Variants in LRRC69 observed in about 807,000 individuals in gnomAD.
LRRC69 encodes the protein leucine rich repeat containing 69.
A neutral mutation model predicts 37.8 loss-of-function variants in LRRC69; 42 were observed. The ratio of observed to expected loss-of-function variants is 1.11; its 90% CI spans 0.87 to 1.44. The LOEUF is 1.44. LRRC69 is among the 40% of genes most tolerant of loss of function. The pLI is 0.00. For missense variants in LRRC69, 357 were observed against 401.9 expected (o/e 0.89, Z 0.96); for synonymous variants, 141 against 143.1 (o/e 0.99, Z 0.11).
At chr8:91,168,365 A>G (rs1275440597) in intron 5 of LRRC69, among the ~76,000 whole-genome samples, 1 of 136,534 alleles carries the variant, frequency 7.3e-6, no homozygotes, top group East Asian at 1.9e-4. Flanking sequence ...TGACACCCCC[A>G]TCTCCAGCCC....
intron 1 of LRRC69, among the ~76,000 whole-genome samples, chr8:91,114,999 G>C (rs570739500): frequency 2.0e-5 from 3 of 151,990 alleles, no homozygotes; most frequent in Non-Finnish European, 4.4e-5. Context: ...AAAAATGTCA[G>C]ACTCAGAATC....
At chr8:91,199,110 A>G (rs1809670570) in intron 6 of LRRC69, among the ~76,000 whole-genome samples, 1 of 152,308 alleles carries the variant, frequency 6.6e-6, no homozygotes, top group East Asian at 1.9e-4. Context: ...TGGGTAGTGA[A>G]TCCTTATCCA....
chr8:91,195,984 A>G (rs1469750806), intron 6 of LRRC69, among the ~76,000 whole-genome samples: 6 of 152,170 alleles, frequency 3.9e-5, no homozygotes, highest in African/African-American at 4.8e-5. Flanking sequence ...GGCTGGTACC[A>G]GTTGTTCCTT....
chr8:91,138,350 G>A (rs998419152), intron 5 of LRRC69, among the ~76,000 whole-genome samples: 11 of 151,820 alleles, frequency 7.2e-5, no homozygotes, highest in Admixed American at 6.6e-5. Context: ...GCAAAATAAA[G>A]CTCTGTGTAC....
At chr8:91,156,362 G>T (rs79889142) in intron 5 of LRRC69, among the ~76,000 whole-genome samples, 2,937 of 151,014 alleles carry the variant, frequency 0.019, 80 homozygotes, top group African/African-American at 0.067. Context: ...TTGGCCATTT[G>T]TGTGTCTTCA....
chr8:91,188,827 C>A (rs374367911), intron 5 of LRRC69, among the ~76,000 whole-genome samples: 4 of 150,536 alleles, frequency 2.7e-5, no homozygotes, highest in African/African-American at 7.3e-5. Flanking sequence ...GTATATCTTC[C>A]GTCTTCTGTT....
chr8:91,197,078 C>T (rs983033172), intron 6 of LRRC69, among the ~76,000 whole-genome samples: 5 of 151,870 alleles, frequency 3.3e-5, no homozygotes, highest in Non-Finnish European at 5.9e-5. Flanking sequence ...CCCTCAGCTG[C>T]AGGTCTGTTG....
In LRRC69 at chr8:91,189,518, A is replaced by G. The variant is rs1249716171; in HGVS notation, c.652-4A>G. Reference sequence around the variant, plus strand: ...GCAATAAGGTTTTTATTTTGTTTGAAAAGTTTCAGGATCTGAAGCTGAGGG... The same window carrying G: ...GCAATAAGGTTTTTATTTTGTTTGAGAAGTTTCAGGATCTGAAGCTGAGGG... On this transcript the variant is annotated splice_polypyrimidine_tract_variant and splice_region_variant and intron_variant, in intron 5 of 7. Transcript: ENST00000448384. 1.3e-6 allele frequency: 2 copies of G among 1,541,572 alleles called. No homozygotes were observed. The highest frequency in any genetic ancestry group is 2.4e-5 in the East Asian group (1 of 40,862).
intron 5 of LRRC69, among the ~76,000 whole-genome samples, chr8:91,181,125 G>A (rs6471271): frequency 0.68 from 102,121 of 151,280 alleles, 34,890 homozygotes; most frequent in African/African-American, 0.74. Flanking sequence ...AGGTGCCAAT[G>A]CTGAAAAGAA....
At chr8:91,208,375 A>G (rs1809843455) in intron 7 of LRRC69, among the ~76,000 whole-genome samples, 1 of 152,180 alleles carries the variant, frequency 6.6e-6, no homozygotes, top group Admixed American at 6.5e-5. Flanking sequence ...GTAGGGTGAG[A>G]AGACCAGAAG....
intron 5 of LRRC69, among the ~76,000 whole-genome samples, chr8:91,188,894 C>T (rs1036979584): frequency 2.7e-5 from 4 of 150,810 alleles, no homozygotes; most frequent in African/African-American, 9.8e-5. Context: ...GGCACAATCT[C>T]GGCTCAGTGC....
chr8:91,133,508 G>GTAAA (rs1166384652), intron 4 of LRRC69: 2 of 431,382 alleles, frequency 4.6e-6, no homozygotes, highest in Admixed American at 8.7e-5. Context: ...GCCAGATTTA[G>GTAAA]TAAATACAAA....
At chr8:91,177,992 G>A (rs1473416717) in intron 5 of LRRC69, among the ~76,000 whole-genome samples, 16 of 151,904 alleles carry the variant, frequency 1.1e-4, no homozygotes, top group African/African-American at 3.6e-4. Flanking sequence ...GGGACTACTG[G>A]GGCCCGCCAC....
intron 5 of LRRC69, among the ~76,000 whole-genome samples, chr8:91,174,805 G>A (rs1354035276): frequency 6.6e-6 from 1 of 152,156 alleles, no homozygotes; most frequent in East Asian, 1.9e-4. Context: ...AGTGCTGCAA[G>A]GTTTACAAGT....
intron 5 of LRRC69, among the ~76,000 whole-genome samples, chr8:91,142,527 C>T (rs377509123): frequency 2.6e-5 from 4 of 151,954 alleles, no homozygotes; most frequent in African/African-American, 7.2e-5. Context: ...GTAGTTTGTC[C>T]GCAGCAGTGA....
chr8:91,133,302 G>A lies in LRRC69; in HGVS notation c.576G>A (p.Pro192=), dbSNP rs560597239. ...CCAGAAACAACATTGGAGTTTTGCC[G>A]GAGGTAAGCAAAACATGGAACCACA... is the stretch of plus-strand genomic sequence containing the variant. Residue 192 remains proline, a synonymous_variant, in exon 4 of 8, where the codon CCG becomes CCA. Coordinates refer to ENST00000448384, the Ensembl canonical transcript of LRRC69. 1.0e-4 allele frequency: 152 copies of A among 1,498,770 alleles called. 2 individuals carry two copies. In the East Asian group the frequency reaches 2.5e-3, roughly 25 times the overall value. 92.8% of individuals were successfully genotyped at this position (1,498,770 alleles called of 1,614,324 possible).
intron 7 of LRRC69, among the ~76,000 whole-genome samples, chr8:91,211,177 G>T (rs1467135001): frequency 1.3e-5 from 2 of 151,954 alleles, no homozygotes; most frequent in Non-Finnish European, 2.9e-5. Flanking sequence ...GGGAGTGTCA[G>T]AAAATTATAA....
Position 91,190,803 on chromosome 8 carries a change from C to A in LRRC69, c.753+1180C>A, listed in dbSNP as rs112989743. On this transcript the variant is annotated intron_variant, in intron 6 of 7. Transcript: ENST00000448384. ...GGCACAGTGTCTCATGCCTGAGGCC[C>A]CAGCAATTTGAGAGGTCATGGCAGG... Among the ~76,000 whole-genome samples, 1,072 of 152,196 alleles carry A rather than the reference C, an allele frequency of 7.0e-3. 8 individuals carry two copies. Among genetic ancestry groups the A allele is most frequent in the Non-Finnish European group, 0.011 (766 of 68,002 alleles).
intron 1 of LRRC69, among the ~76,000 whole-genome samples, chr8:91,107,558 T>C (rs1326992297): frequency 2.0e-5 from 3 of 152,058 alleles, no homozygotes; most frequent in Non-Finnish European, 4.4e-5. Flanking sequence ...ATTAAATGTT[T>C]ATATATTTAA....
Sources: allele counts gnomAD v4.1 joint callset (sites outside exome capture counted in the v4.1 genomes callset), GRCh38; gene constraint gnomAD v4.1.1; transcripts MANE v1.5; gene names NCBI Gene and HGNC (gene_info 2026-07-23, HGNC 2026-07-21).